Variants in BRCC3 observed in about 807,000 individuals in gnomAD.
BRCC3 encodes lys-63-specific deubiquitinase BRCC36.
A neutral mutation model predicts 28.0 loss-of-function variants in BRCC3; 15 were observed. The ratio of observed to expected loss-of-function variants is 0.54; its 90% CI spans 0.36 to 0.82. The LOEUF (loss-of-function observed/expected upper bound fraction) is 0.82. Ranked by LOEUF, BRCC3 falls within the 40% of genes least tolerant of loss-of-function variation. BRCC3 has a pLI of 0.01. For synonymous variants in BRCC3, 66 were observed against 80.3 expected (o/e 0.82, Z 0.95); for missense variants, 109 against 225.9 (o/e 0.48, Z 3.32).
At chrX:155,079,686 C>T (rs1012497949) in intron 5 of BRCC3, among the ~76,000 whole-genome samples, 23 of 111,170 alleles carry the variant, frequency 2.1e-4, no homozygotes, top group African/African-American at 2.0e-4. Flanking sequence ...TATTGTTGAA[C>T]GCCCCTAGTT....
At chrX:155,089,168 C>T (rs1261246272) in intron 5 of BRCC3, 95 bp from the exon 6 acceptor site, 7 of 552,884 alleles carry the variant, frequency 1.3e-5, no homozygotes, top group Non-Finnish European at 2.1e-5. Flanking sequence ...TTATATGTTG[C>T]TGTTATCTTT....
Position 155,086,404 on chromosome X carries a change from G to A in BRCC3, c.404-2859G>A, listed in dbSNP as rs115416594. ...CCCTTCCTTGCCCAGGCTGGAGTGC[G>A]ATGGCGCGCCCTCTCAGGTAACTGC... is the stretch of plus-strand genomic sequence containing the variant. On this transcript the variant is annotated intron_variant, in intron 5 of 10. Transcript: ENST00000330045. Among the ~76,000 whole-genome samples, 318 of 111,630 alleles carry A rather than the reference G, an allele frequency of 2.8e-3. 2 individuals carry two copies. Among genetic ancestry groups the A allele is most frequent in the African/African-American group, 9.6e-3 (296 of 30,728 alleles).
chrX:155,106,766 A>T (rs1410477054), intron 7 of BRCC3, among the ~76,000 whole-genome samples: 1 of 112,448 alleles, frequency 8.9e-6, no homozygotes, highest in Non-Finnish European at 1.9e-5. Context: ...CAGTTCTTTG[A>T]CAATTCCTCT....
intron 3 of BRCC3, among the ~76,000 whole-genome samples, chrX:155,075,989 T>A (rs2074038261): frequency 8.9e-6 from 1 of 112,382 alleles, no homozygotes; most frequent in African/African-American, 3.2e-5. Context: ...TGGATACACT[T>A]GTCTGCCTTT....
At chrX:155,082,869 T>A (rs1047758240) in intron 5 of BRCC3, among the ~76,000 whole-genome samples, 11 of 112,538 alleles carry the variant, frequency 9.8e-5, no homozygotes, top group African/African-American at 2.9e-4. Context: ...AGCCTTCATG[T>A]CACTTTAGTC....
At chrX:155,072,140 G>A (rs1424262423) in intron 1 of BRCC3, among the ~76,000 whole-genome samples, 187 bp from the exon 2 acceptor site, 1 of 112,161 alleles carries the variant, frequency 8.9e-6, no homozygotes, top group Non-Finnish European at 1.9e-5. Context: ...AGTTTCCGCT[G>A]CATTGTGTTG....
intron 9 of BRCC3, among the ~76,000 whole-genome samples, chrX:155,119,591 C>T (rs782717681): frequency 1.2e-4 from 14 of 112,166 alleles, no homozygotes; most frequent in African/African-American, 4.2e-4. Context: ...ACCTACAGGG[C>T]GCTCTGGAAA....
chrX:155,086,294 G>A (rs2074127384), intron 5 of BRCC3, among the ~76,000 whole-genome samples: 1 of 111,522 alleles, frequency 9.0e-6, no homozygotes. Flanking sequence ...ACAGCAACAT[G>A]CATGCGATGT....
chrX:155,090,752 G>C (rs782301726), intron 6 of BRCC3, 32 bp from the exon 7 acceptor site: 34 of 1,115,988 alleles, frequency 3.0e-5, no homozygotes, highest in Non-Finnish European at 4.9e-6. Context: ...TTCTTTGTGT[G>C]ATATTTCTTT....
At chrX:155,095,579 G>T (rs1396031011) in intron 7 of BRCC3, among the ~76,000 whole-genome samples, 2 of 111,789 alleles carry the variant, frequency 1.8e-5, no homozygotes, top group Non-Finnish European at 3.8e-5. Flanking sequence ...GGGATTATAG[G>T]CATGAGCCAC....
chrX:155,080,160 A>C (rs1446557295), intron 5 of BRCC3, among the ~76,000 whole-genome samples: 1 of 111,805 alleles, frequency 8.9e-6, no homozygotes, highest in African/African-American at 3.3e-5. Flanking sequence ...TTCCCATGGT[A>C]GTGCCATCAG....
At chrX:155,078,917 CTG>C (rs1281182443) in intron 5 of BRCC3, 8 of 345,961 alleles carry the variant, frequency 2.3e-5, no homozygotes, top group Non-Finnish European at 3.5e-5. Flanking sequence ...AAAAATTAAA[CTG>C]TTAACTGAAA....
At position 155,073,362 on chromosome X, in the gene BRCC3, A is replaced by G; in HGVS notation, c.141-15A>G. 8.7e-7 allele frequency: 1 copy of G among 1,148,800 alleles called. No individual in the cohort carries two copies. The highest frequency in any genetic ancestry group is 1.2e-6 in the Non-Finnish European group (1 of 865,181). The allele number at this position is 1,148,800 out of a possible 1,213,427, so 94.7% of individuals were successfully genotyped here. ...ACCCCACTTCCTTTTTTTTTTTCTA[A>G]TTTATTCCCAGTAGGAGTGACTCCA... is the stretch of plus-strand genomic sequence containing the variant. On this transcript the variant is annotated splice_polypyrimidine_tract_variant and intron_variant, in intron 2 of 10. Coordinates refer to ENST00000330045, the MANE Select transcript of BRCC3 (RefSeq NM_001018055.3).
At chrX:155,115,656 A>C (rs781817830) in intron 7 of BRCC3, among the ~76,000 whole-genome samples, 2 of 112,472 alleles carry the variant, frequency 1.8e-5, no homozygotes, top group African/African-American at 6.5e-5. Flanking sequence ...TGATGGAGTC[A>C]TTGAAGAGTC....
intron 9 of BRCC3, 145 bp from the exon 10 acceptor site, chrX:155,119,854 T>A: frequency 2.1e-6 from 1 of 469,631 alleles, no homozygotes; most frequent in Non-Finnish European, 3.5e-6. Flanking sequence ...AGTTTACCAG[T>A]CCTACTTATT....
Position 155,071,535 on chromosome X carries a change from T to C in BRCC3, c.8T>C (p.Val3Ala), listed in dbSNP as rs2073981507. Residue 3 changes from valine (V) to alanine (A), a missense_variant, in exon 1 of 11, where the codon GTG (valine) becomes GCG (alanine). This residue lies in a region of BRCC3 where 58 missense variants were observed against 92.8 expected (regional missense o/e 0.63). Coordinates refer to ENST00000330045, the MANE Select transcript of BRCC3 (RefSeq NM_001018055.3). Reference sequence around the variant, plus strand: ...GAGAAGGGTCGGGCCAAGATGGCGGTGCAGGTGGTGCAGGCGGTGCAGGCG... The same window carrying C: ...GAGAAGGGTCGGGCCAAGATGGCGGCGCAGGTGGTGCAGGCGGTGCAGGCG... MA[V>A]QVVQAVQAVH... 8.3e-7 allele frequency: 1 copy of C among 1,203,172 alleles called. No individual in the cohort carries two copies. Among genetic ancestry groups the C allele is most frequent in the Non-Finnish European group, 1.1e-6 (1 of 891,132 alleles).
At chrX:155,074,034 C>T (rs2074009453) in intron 3 of BRCC3, among the ~76,000 whole-genome samples, 1 of 111,712 alleles carries the variant, frequency 9.0e-6, no homozygotes, top group Non-Finnish European at 1.9e-5. Context: ...TATCAGGCCA[C>T]ACCTTCATCT....
At chrX:155,094,340 T>C (rs895542483) in intron 7 of BRCC3, among the ~76,000 whole-genome samples, 2 of 110,659 alleles carry the variant, frequency 1.8e-5, no homozygotes, top group African/African-American at 6.6e-5. Flanking sequence ...AGAAGAATTC[T>C]TGATGCTGCT....
At chrX:155,119,909 T>G in intron 9 of BRCC3, 90 bp from the exon 10 acceptor site, 2 of 770,862 alleles carry the variant, frequency 2.6e-6, no homozygotes, top group Non-Finnish European at 3.7e-6. Flanking sequence ...TCTGTGCTCA[T>G]GGTTGGGGGT....
Sources: gnomAD v4.1 joint callset for allele counts (sites outside exome capture counted in the v4.1 genomes callset) on GRCh38, gnomAD v4.1.1 for gene constraint, gnomAD v4.1.1 regional missense constraint, MANE v1.5 for transcripts, NCBI Gene and HGNC (gene_info 2026-07-23, HGNC 2026-07-21) for gene names.